UBXN11: variants seen among roughly 807,000 people sequenced by gnomAD.
UBXN11 encodes UBX domain protein 11, also known as UBX domain-containing protein 11.
In UBXN11, 47 loss-of-function variants were observed where a neutral mutation model predicts 62.8. That is an observed-to-expected ratio of 0.75 (90% CI 0.59 to 0.95). UBXN11 has a LOEUF of 0.95. UBXN11 is among the 40% of genes least tolerant of loss of function. The pLI is 0.00. For synonymous variants in UBXN11, 294 were observed against 267.0 expected (o/e 1.10, Z -0.99); for missense variants, 638 against 661.7 (o/e 0.96, Z 0.39).
intron 10 of UBXN11, 173 bp downstream of exon 10, chr1:26,285,291 C>T: frequency 7.1e-7 from 1 of 1,410,410 alleles, no homozygotes; most frequent in Non-Finnish European, 9.3e-7. Flanking sequence ...TGTTTCGGGC[C>T]TCTCCGCTCC....
intron 12 of UBXN11, 137 bp from the exon 13 acceptor site, chr1:26,283,074 C>T (rs951658609): frequency 8.8e-7 from 1 of 1,136,320 alleles, no homozygotes; most frequent in African/African-American, 1.5e-5. Context: ...CTGTATAAAC[C>T]AAGGCCAGAG....
rs773062281 is a variant in UBXN11 at position 26,282,743 on chromosome 1, G to T, written c.1198C>A (p.Arg400Ser). The change falls in exon 14 of 15, where the codon CGC becomes AGC. Residue 400 changes from arginine (R) to serine (S), a missense_variant. Physicochemically the swap from Arg to Ser is moderately radical, Grantham distance 110. Coordinates refer to ENST00000374222, the MANE Select transcript of UBXN11 (RefSeq NM_001389556.1). Reference protein sequence around the residue: ...NTPAPPLSMLRIKSENGEQAF... With the variant: ...NTPAPPLSMLSIKSENGEQAF... ...TGTTCCCCATTCTCAGACTTGATGC[G>T]CAGCATGGAGAGCGGGGGTGCCGGC... 1 of 1,614,166 alleles carries T rather than the reference G, an allele frequency of 6.2e-7. No homozygotes were observed. Among genetic ancestry groups the T allele is most frequent in the Non-Finnish European group, 8.5e-7 (1 of 1,180,026 alleles).
chr1:26,307,748 C>G (rs2073696040), upstream of UBXN11, among the ~76,000 whole-genome samples: 1 of 151,790 alleles, frequency 6.6e-6, no homozygotes, highest in Non-Finnish European at 1.5e-5. Flanking sequence ...ATCACAGCCA[C>G]CAGTGTAGCT....
intron 4 of UBXN11, among the ~76,000 whole-genome samples, chr1:26,298,780 GAAAA>G (rs11368453): frequency 4.9e-5 from 3 of 61,714 alleles, no homozygotes; most frequent in Admixed American, 1.9e-4. Context: ...CTCTGTCTCA[GAAAA>G]AAAAAAAAAA....
At chr1:26,297,339 C>T in intron 6 of UBXN11, 88 bp downstream of exon 6, 1 of 1,410,586 alleles carries the variant, frequency 7.1e-7, no homozygotes, top group Non-Finnish European at 9.4e-7. Flanking sequence ...CTCTTGATGC[C>T]AGAAGCCATT....
At chr1:26,291,419 C>T (rs535168433) in intron 8 of UBXN11, among the ~76,000 whole-genome samples, 15 of 152,326 alleles carry the variant, frequency 9.8e-5, no homozygotes, top group Non-Finnish European at 1.5e-4. Context: ...AGAGAACGCA[C>T]GGAGGGACCA....
chr1:26,317,862 C>T (rs968383993), intron 1 of UBXN11: 1 of 647,204 alleles, frequency 1.5e-6, no homozygotes, highest in Non-Finnish European at 2.8e-6. Flanking sequence ...GGAAGCCACA[C>T]CCCTCCTCCA....
At chr1:26,299,511 C>CAA (rs71581050) in intron 4 of UBXN11, among the ~76,000 whole-genome samples, 1,131 of 102,612 alleles carry the variant, frequency 0.011, 13 homozygotes, top group Non-Finnish European at 0.015. Flanking sequence ...AGGCAGTCTC[C>CAA]AAAAAAAAAA....
At chr1:26,311,708 TG>T (rs758708466) in intron 1 of UBXN11, among the ~76,000 whole-genome samples, 1 of 152,332 alleles carries the variant, frequency 6.6e-6, no homozygotes, top group Middle Eastern at 3.4e-3. Flanking sequence ...CCCAGAGTGT[TG>T]GGATTACAGG....
intron 1 of UBXN11, among the ~76,000 whole-genome samples, chr1:26,316,688 C>CACCT (rs2073798391): frequency 1.3e-5 from 2 of 152,096 alleles, no homozygotes; most frequent in African/African-American, 4.8e-5. Flanking sequence ...AACATAACAC[C>CACCT]TGCTGCAGGG....
At chr1:26,294,177 A>G (rs748592083) in intron 8 of UBXN11, 28 bp downstream of exon 8, 8 of 1,611,678 alleles carry the variant, frequency 5.0e-6, no homozygotes, top group Non-Finnish European at 6.8e-6. Flanking sequence ...CCTTTTGAAG[A>G]GGGCCTGGGG....
intron 4 of UBXN11, 93 bp downstream of exon 4, chr1:26,300,833 C>G: frequency 6.3e-7 from 1 of 1,584,584 alleles, no homozygotes; most frequent in Non-Finnish European, 8.6e-7. Flanking sequence ...ACCAAACAGG[C>G]GAGAGGAAGG....
chr1:26,286,977 G>T (rs949719202), intron 8 of UBXN11, among the ~76,000 whole-genome samples: 18 of 152,282 alleles, frequency 1.2e-4, no homozygotes, highest in African/African-American at 3.4e-4. Context: ...GGGATTACAG[G>T]TGTGAGCCAC....
At chr1:26,314,586 C>T (rs1260684252) in intron 1 of UBXN11, among the ~76,000 whole-genome samples, 2 of 152,132 alleles carry the variant, frequency 1.3e-5, no homozygotes, top group Non-Finnish European at 2.9e-5. Context: ...TGAATAAATG[C>T]AGGACTACTA....
chr1:26,313,855 AC>A (rs1182436489), intron 1 of UBXN11, among the ~76,000 whole-genome samples: 1 of 145,582 alleles, frequency 6.9e-6, no homozygotes, highest in Non-Finnish European at 1.5e-5. Context: ...ATCTCGGCTC[AC>A]CACAAGCTCT....
At chr1:26,295,015 C>A (rs765526404) in intron 7 of UBXN11, among the ~76,000 whole-genome samples, 46 of 152,122 alleles carry the variant, frequency 3.0e-4, no homozygotes, top group Admixed American at 7.2e-4. Flanking sequence ...GGGCCCAGCT[C>A]CATCCACACG....
chr1:26,290,800 G>C (rs1037691777), intron 8 of UBXN11, among the ~76,000 whole-genome samples: 1 of 151,610 alleles, frequency 6.6e-6, no homozygotes. Flanking sequence ...GATTCTCAGG[G>C]GAACAGGGAA....
intron 8 of UBXN11, among the ~76,000 whole-genome samples, chr1:26,290,608 C>G (rs1179166183): frequency 6.6e-6 from 1 of 152,140 alleles, no homozygotes; most frequent in Non-Finnish European, 1.5e-5. Context: ...AGGGCAAGCC[C>G]AGGGGCAAGT....
At chr1:26,295,690 C>A (rs1389118980) in intron 7 of UBXN11, among the ~76,000 whole-genome samples, 4 of 152,190 alleles carry the variant, frequency 2.6e-5, no homozygotes, top group African/African-American at 7.2e-5. Context: ...CGCAGGTGGT[C>A]CCCCAACTTG....
Sources: gnomAD v4.1 joint callset for allele counts (sites outside exome capture counted in the v4.1 genomes callset) on GRCh38, gnomAD v4.1.1 for gene constraint, MANE v1.5 for transcripts, NCBI Gene and HGNC (gene_info 2026-07-23, HGNC 2026-07-21) for gene names.